KCNB2: variants seen among roughly 807,000 people sequenced by gnomAD.
KCNB2 encodes the protein potassium voltage-gated channel subfamily B member 2, also known as delayed rectifier potassium channel protein.
A neutral mutation model predicts 61.5 loss-of-function variants in KCNB2; 15 were observed. The ratio of observed to expected loss-of-function variants is 0.24; its 90% confidence interval spans 0.16 to 0.38. The LOEUF is 0.38. Ranked by LOEUF, KCNB2 falls within the 10% of genes least tolerant of loss-of-function variation. The probability of loss-of-function intolerance (pLI) is 1.00; values close to 1 mark genes in which losing one functional copy is unlikely to be tolerated. For missense variants in KCNB2, 828 were observed against 1,125.2 expected (o/e 0.74, Z 3.78); for synonymous variants, 457 against 446.0 (o/e 1.02, Z -0.31).
intron 2 of KCNB2, among the ~76,000 whole-genome samples, chr8:72,898,769 G>A (rs781758384): frequency 6.6e-6 from 1 of 152,160 alleles, no homozygotes; most frequent in Non-Finnish European, 1.5e-5. Context: ...CATCCAGGTA[G>A]TGAACATAGT....
chr8:72,845,307 G>A (rs865937582), intron 2 of KCNB2, among the ~76,000 whole-genome samples: 22 of 152,336 alleles, frequency 1.4e-4, no homozygotes, highest in Middle Eastern at 6.8e-3. Context: ...CCTTCCTCCA[G>A]AAGCTTCGTC....
At chr8:72,840,599 T>C (rs1327397081) in intron 2 of KCNB2, among the ~76,000 whole-genome samples, 1 of 152,248 alleles carries the variant, frequency 6.6e-6, no homozygotes, top group African/African-American at 2.4e-5. Context: ...TGATCGCCAT[T>C]CTAACTGGTG....
At chr8:72,788,771 C>T (rs1400906890) in intron 2 of KCNB2, among the ~76,000 whole-genome samples, 2 of 152,010 alleles carry the variant, frequency 1.3e-5, no homozygotes, top group Non-Finnish European at 2.9e-5. Context: ...ACGTAATTTC[C>T]TTCTTTCTTA....
intron 2 of KCNB2, among the ~76,000 whole-genome samples, chr8:72,602,948 G>T: frequency 6.7e-6 from 1 of 148,282 alleles, no homozygotes; most frequent in African/African-American, 2.5e-5. Flanking sequence ...TTGAGGTTAA[G>T]CACTAAAAAA....
In KCNB2 at chr8:72,938,292, A is replaced by T. The variant is rs961905940; in HGVS notation, c.*201A>T. 9 of 516,774 alleles carry T rather than the reference A, an allele frequency of 1.7e-5. No homozygotes were observed. Among genetic ancestry groups the T allele is most frequent in the African/African-American group, 1.2e-4 (6 of 52,092 alleles). 32.0% of individuals were successfully genotyped at this position (516,774 alleles called of 1,614,324 possible). A position where few individuals can be genotyped will look rare whatever the true frequency, so the allele number is the denominator to read the frequency against. Reference sequence around the variant, plus strand: ...GAGTCAAGACTGCATTTTGTAACAAACCAACAAAAATGACTGAAGAACAGT... The same window carrying T: ...GAGTCAAGACTGCATTTTGTAACAATCCAACAAAAATGACTGAAGAACAGT... On this transcript the variant is annotated 3_prime_UTR_variant, in exon 3 of 3. Transcript: ENST00000523207.
intron 2 of KCNB2, among the ~76,000 whole-genome samples, chr8:72,764,318 C>T (rs1808430169): frequency 6.6e-6 from 1 of 152,034 alleles, no homozygotes; most frequent in Non-Finnish European, 1.5e-5. Context: ...TGAGGGCCTG[C>T]AGAAGGTAAG....
intron 2 of KCNB2, among the ~76,000 whole-genome samples, chr8:72,766,792 AAACAG>A (rs1808466199): frequency 6.6e-6 from 1 of 152,216 alleles, no homozygotes. Flanking sequence ...TATATAAAGG[AAACAG>A]AATTATTCCT....
intron 2 of KCNB2, among the ~76,000 whole-genome samples, chr8:72,686,680 A>G (rs796829761): frequency 5.9e-5 from 9 of 152,330 alleles, no homozygotes; most frequent in African/African-American, 1.7e-4. Flanking sequence ...ATGACCTCTC[A>G]GAAATTGTTT....
chr8:72,713,632 A>G (rs1807366405), intron 2 of KCNB2, among the ~76,000 whole-genome samples: 1 of 152,230 alleles, frequency 6.6e-6, no homozygotes, highest in Admixed American at 6.5e-5. Flanking sequence ...ACAAACAGAA[A>G]GGACATCCAC....
In KCNB2 at chr8:72,568,172, A is replaced by G. The variant is rs766900477; in HGVS notation, c.438A>G (p.Glu146=). 2.5e-6 allele frequency: 4 copies of G among 1,614,048 alleles called. No homozygotes were observed. In the East Asian group the frequency reaches 6.7e-5, roughly 27 times the overall value. Residue 146 remains glutamate, a synonymous_variant, in exon 2 of 3, where the codon GAA becomes GAG. Transcript: ENST00000523207. ...AGGCCAGATATCATCAAAAAAAAGA[A>G]CAAATGAACGAAGAACTGAGGCGAG... ...CCQARYHQKK[E]QMNEELRREA...
At chr8:72,808,232 C>A (rs1410612333) in intron 2 of KCNB2, among the ~76,000 whole-genome samples, 1 of 152,128 alleles carries the variant, frequency 6.6e-6, no homozygotes, top group African/African-American at 2.4e-5. Context: ...TAATTTCCTG[C>A]ATATCACTGA....
intron 2 of KCNB2, among the ~76,000 whole-genome samples, chr8:72,723,362 C>A (rs989219382): frequency 1.3e-5 from 2 of 152,164 alleles, no homozygotes; most frequent in African/African-American, 4.8e-5. Context: ...AACTAAAATT[C>A]TTAATAGTCA....
chr8:72,669,690 T>C (rs2128988067), intron 2 of KCNB2, among the ~76,000 whole-genome samples: 1 of 152,306 alleles, frequency 6.6e-6, no homozygotes, highest in East Asian at 1.9e-4. Flanking sequence ...TAAAGCAGAG[T>C]TGTAAAAACC....
intron 2 of KCNB2, among the ~76,000 whole-genome samples, chr8:72,599,750 T>TA: frequency 6.6e-6 from 1 of 151,282 alleles, no homozygotes; most frequent in African/African-American, 2.4e-5. Flanking sequence ...AAATTTACAA[T>TA]AAAAAAACAA....
At position 72,723,295 on chromosome 8, in the gene KCNB2, C is replaced by T. The variant is rs894499551; in HGVS notation, c.579+154982C>T. On this transcript the variant is annotated intron_variant, in intron 2 of 2. Coordinates refer to ENST00000523207, the MANE Select transcript of KCNB2 (RefSeq NM_004770.3). ...ATGCATGCTGAGAGTATGCTTTGCA[C>T]GAGGTGCTTATTTGAACTAAAACAT... Among the ~76,000 whole-genome samples the T allele has an allele frequency of 4.9e-4, 75 of 152,256 alleles. 1 individual carries two copies. Among genetic ancestry groups the T allele is most frequent in the African/African-American group, 1.5e-3 (64 of 41,560 alleles).
At position 72,698,542 on chromosome 8, in the gene KCNB2, A is replaced by G. The variant is rs527845949; in HGVS notation, c.579+130229A>G. On this transcript the variant is annotated intron_variant, in intron 2 of 2. Transcript: ENST00000523207. ...AATTTCATATGGAACTGAAAAAAGA[A>G]CCAGAATAGCCAAAGCAATCTTAAG... Among the ~76,000 whole-genome samples, 211 of 152,248 alleles carry G rather than the reference A, an allele frequency of 1.4e-3. 1 individual carries two copies. The highest frequency in any genetic ancestry group is 1.8e-3 in the Non-Finnish European group (125 of 67,994).
chr8:72,567,055 C>A (rs1806635757), intron 1 of KCNB2, among the ~76,000 whole-genome samples: 1 of 151,990 alleles, frequency 6.6e-6, no homozygotes, highest in Non-Finnish European at 1.5e-5. Flanking sequence ...GGTGCAGCGG[C>A]TCACCCTGTA....
intron 2 of KCNB2, among the ~76,000 whole-genome samples, chr8:72,599,692 C>A (rs1053814328): frequency 3.3e-5 from 5 of 152,054 alleles, no homozygotes; most frequent in Non-Finnish European, 7.4e-5. Context: ...TTTGCAACCT[C>A]CTCATCAGAC....
intron 2 of KCNB2, among the ~76,000 whole-genome samples, chr8:72,904,249 T>G (rs1279972475): frequency 6.6e-6 from 1 of 152,206 alleles, no homozygotes; most frequent in East Asian, 1.9e-4. Context: ...TTAAAGTGTG[T>G]ATAGATCGTT....
Sources: allele counts gnomAD v4.1 joint callset (sites outside exome capture counted in the v4.1 genomes callset), GRCh38; gene constraint gnomAD v4.1.1; transcripts MANE v1.5; gene names NCBI Gene and HGNC (gene_info 2026-07-23, HGNC 2026-07-21).